MEF2A: variants seen among roughly 807,000 people sequenced by gnomAD.
MEF2A encodes myocyte-specific enhancer factor 2A.
A neutral mutation model predicts 55.8 loss-of-function variants in MEF2A; 28 were observed. The observed-to-expected ratio is 0.50, with a 90% CI of 0.37 to 0.69. The LOEUF is 0.69. Ranked by LOEUF, MEF2A falls within the 30% of genes least tolerant of loss-of-function variation. MEF2A has a pLI of 0.00. For missense variants in MEF2A, 528 were observed against 626.2 expected, an observed-to-expected ratio of 0.84 and a Z score of 1.67; for synonymous variants, 239 against 227.1, an observed-to-expected ratio of 1.05 and a Z score of -0.47.
intron 1 of MEF2A, among the ~76,000 whole-genome samples, chr15:99,579,937 T>G (rs1965436679): frequency 6.6e-6 from 1 of 152,168 alleles, no homozygotes; most frequent in African/African-American, 2.4e-5. Context: ...TTTTGCCCAT[T>G]TTTGCCTGCT....
chr15:99,699,216 A>T (rs1051486563), intron 8 of MEF2A, among the ~76,000 whole-genome samples: 3 of 152,262 alleles, frequency 2.0e-5, no homozygotes, highest in African/African-American at 7.2e-5. Context: ...AGATGAATGG[A>T]TAAACACACT....
chr15:99,690,916 A>G (rs998892374), intron 8 of MEF2A, among the ~76,000 whole-genome samples: 2 of 152,208 alleles, frequency 1.3e-5, no homozygotes, highest in African/African-American at 4.8e-5. Flanking sequence ...AGTTAGCAAC[A>G]TTGCAGATGG....
chr15:99,594,145 T>C (rs2152995581), intron 1 of MEF2A, among the ~76,000 whole-genome samples: 1 of 152,342 alleles, frequency 6.6e-6, no homozygotes, highest in Admixed American at 6.5e-5. Flanking sequence ...ACTGACCCAC[T>C]TCAGATGCCA....
At chr15:99,602,726 GTGT>G (rs1567204144) in intron 2 of MEF2A, among the ~76,000 whole-genome samples, 42 of 44,992 alleles carry the variant, frequency 9.3e-4, no homozygotes, top group Non-Finnish European at 1.6e-3. Flanking sequence ...TTGTGTGTGT[GTGT>G]GGGGGGGTGG....
chr15:99,607,418 A>C (rs766894464), intron 2 of MEF2A, among the ~76,000 whole-genome samples: 11 of 152,188 alleles, frequency 7.2e-5, no homozygotes, highest in Non-Finnish European at 1.6e-4. Flanking sequence ...AATATTGATA[A>C]GGTTAGACTT....
At chr15:99,695,236 T>C (rs887659215) in intron 8 of MEF2A, among the ~76,000 whole-genome samples, 2 of 152,112 alleles carry the variant, frequency 1.3e-5, no homozygotes, top group African/African-American at 2.4e-5. Flanking sequence ...AAATAAAATA[T>C]ATGACAACAA....
intron 7 of MEF2A, among the ~76,000 whole-genome samples, chr15:99,676,277 G>C (rs988096126): frequency 2.6e-5 from 4 of 152,000 alleles, no homozygotes; most frequent in Non-Finnish European, 5.9e-5. Flanking sequence ...AATACATAAA[G>C]GTTGTACCAG....
rs1187392808 is a variant in MEF2A, at chr15:99,712,377, T to G, written c.1137-13T>G. 1 of 1,513,714 alleles carries G rather than the reference T, an allele frequency of 6.6e-7. No individual in the cohort carries two copies. Among genetic ancestry groups the G allele is most frequent in the East Asian group, 2.5e-5 (1 of 40,462 alleles). 93.8% of individuals were successfully genotyped at this position (1,513,714 alleles called of 1,614,324 possible). ...TTGCAAGCCATCTGACCTCTCTCTTTTTTTTCCTTCAGTGCTGGAGGGCAG... is the reference window on the plus strand; with the variant it reads ...TTGCAAGCCATCTGACCTCTCTCTTGTTTTTCCTTCAGTGCTGGAGGGCAG... On this transcript the variant is annotated splice_polypyrimidine_tract_variant and intron_variant, in intron 11 of 11. Transcript: ENST00000557942. The surrounding 1 kb of genome is among the most constrained non-coding windows in gnomAD (Gnocchi z 4.1).
chr15:99,689,493 T>G (rs1263174803), intron 7 of MEF2A, among the ~76,000 whole-genome samples: 2 of 152,092 alleles, frequency 1.3e-5, no homozygotes, highest in Admixed American at 6.5e-5. Context: ...GCTTGTTTGT[T>G]TCTTTGAGAC....
At chr15:99,672,385 AT>A (rs2051061209) in intron 5 of MEF2A, among the ~76,000 whole-genome samples, 1 of 152,228 alleles carries the variant, frequency 6.6e-6, no homozygotes, top group Non-Finnish European at 1.5e-5. Flanking sequence ...GTGAAAGAGT[AT>A]TTTTCTTTGA....
intron 2 of MEF2A, among the ~76,000 whole-genome samples, chr15:99,625,834 A>G (rs1009891003): frequency 9.2e-5 from 14 of 152,178 alleles, no homozygotes; most frequent in African/African-American, 3.4e-4. Flanking sequence ...CTTGATCACC[A>G]TTATAATCCT....
chr15:99,580,095 T>C (rs1965484856), intron 1 of MEF2A, among the ~76,000 whole-genome samples: 1 of 152,188 alleles, frequency 6.6e-6, no homozygotes, highest in Non-Finnish European at 1.5e-5. Context: ...ATATTTCTGA[T>C]GATCTTTCCA....
intron 3 of MEF2A, among the ~76,000 whole-genome samples, chr15:99,642,184 G>C (rs988072008): frequency 1.3e-5 from 2 of 152,062 alleles, no homozygotes; most frequent in Non-Finnish European, 2.9e-5. Context: ...TTGGTCTTCT[G>C]ACTTTGAATG....
intron 10 of MEF2A, among the ~76,000 whole-genome samples, chr15:99,708,377 G>A (rs2058269299): frequency 6.6e-6 from 1 of 152,188 alleles, no homozygotes; most frequent in Non-Finnish European, 1.5e-5. Context: ...TTCATTACAG[G>A]TTTTTCAGTA....
intron 2 of MEF2A, among the ~76,000 whole-genome samples, chr15:99,613,989 C>T (rs1027317382): frequency 5.3e-5 from 8 of 151,976 alleles, no homozygotes; most frequent in African/African-American, 1.9e-4. Context: ...TAAATAGTTC[C>T]GGTGGTGATA....
At chr15:99,681,615 G>C (rs1388117032) in intron 7 of MEF2A, among the ~76,000 whole-genome samples, 1 of 152,130 alleles carries the variant, frequency 6.6e-6, no homozygotes, top group Non-Finnish European at 1.5e-5. Flanking sequence ...TAGAGATGGG[G>C]AATACAGTAT....
chr15:99,709,419 A>G (rs568430145), intron 10 of MEF2A, among the ~76,000 whole-genome samples: 20 of 152,330 alleles, frequency 1.3e-4, no homozygotes, highest in Admixed American at 1.1e-3. Context: ...AGGTCGTTTA[A>G]AAGATCTAGA....
At position 99,706,074 on chromosome 15, in the gene MEF2A, A is replaced by G. The variant is rs755823213; in HGVS notation, c.883-655A>G. On this transcript the variant is annotated intron_variant, in intron 9 of 11. Transcript: ENST00000557942. ...GCTACACAGATGCATCCAGTTGGCA[A>G]AAAGCATTTAATATTGCTCTTCCAC... Among the ~76,000 whole-genome samples, 14 of 152,192 alleles carry G rather than the reference A, an allele frequency of 9.2e-5. 1 individual carries two copies. Among genetic ancestry groups the G allele is most frequent in the Non-Finnish European group, 1.5e-5 (1 of 68,032 alleles).
intron 2 of MEF2A, among the ~76,000 whole-genome samples, chr15:99,605,158 G>A (rs981376368): frequency 2.0e-5 from 3 of 152,146 alleles, no homozygotes; most frequent in Non-Finnish European, 4.4e-5. Flanking sequence ...ATGCTGGCCA[G>A]GCTGGTCTCG....
Sources: allele counts gnomAD v4.1 joint callset (sites outside exome capture counted in the v4.1 genomes callset), GRCh38; gene constraint gnomAD v4.1.1; non-coding constraint Gnocchi (gnomAD v3.1); transcripts MANE v1.5; gene names NCBI Gene and HGNC (gene_info 2026-07-23, HGNC 2026-07-21).